The following REPS1 variants were observed in gnomAD, a reference collection of about 807,000 sequenced individuals.
REPS1 encodes ralBP1-associated Eps domain-containing protein 1.
Under a neutral mutation model 100.9 loss-of-function variants are expected in REPS1, and 39 were observed. The observed-to-expected ratio is 0.39, with a 90% CI of 0.30 to 0.50. The LOEUF (loss-of-function observed/expected upper bound fraction) is 0.50. Ranked by LOEUF, REPS1 falls within the 20% of genes least tolerant of loss-of-function variation. REPS1 has a pLI of 0.86. For missense variants in REPS1, 821 were observed against 968.5 expected (o/e 0.85, Z 2.02); for synonymous variants, 324 against 340.3 (o/e 0.95, Z 0.53).
intron 2 of REPS1, 123 bp from the exon 3 acceptor site, chr6:138,945,820 A>G (rs1481623740): frequency 1.4e-5 from 11 of 761,438 alleles, no homozygotes; most frequent in Non-Finnish European, 2.0e-5. Flanking sequence ...AAGAGGCACA[A>G]AATGTCTATC....
chr6:138,909,160 A>C (rs1285085348), intron 17 of REPS1, among the ~76,000 whole-genome samples: 1 of 152,260 alleles, frequency 6.6e-6, no homozygotes, highest in East Asian at 1.9e-4. Flanking sequence ...ATATCTATGC[A>C]TTATCACCAT....
chr6:138,938,319 T>G (rs1026159432), intron 8 of REPS1, among the ~76,000 whole-genome samples: 2 of 152,224 alleles, frequency 1.3e-5, no homozygotes, highest in African/African-American at 4.8e-5. Context: ...GCCTAGCATG[T>G]TACTCCAAGG....
chr6:138,952,809 TACAG>T (rs1783121827), intron 1 of REPS1, among the ~76,000 whole-genome samples: 1 of 151,326 alleles, frequency 6.6e-6, no homozygotes, highest in African/African-American at 2.4e-5. Flanking sequence ...AATATGGAGA[TACAG>T]ACAGATAGTT....
intron 18 of REPS1, 42 bp from the exon 19 acceptor site, chr6:138,907,642 T>A: frequency 1.6e-6 from 2 of 1,224,078 alleles, no homozygotes; most frequent in Non-Finnish European, 2.4e-6. Context: ...AACCTTCATT[T>A]CTTATCTTAA....
At position 138,961,655 on chromosome 6, in the gene REPS1, G is replaced by A. The variant is rs145182208; in HGVS notation, c.154-13742C>T. ...TTACACCAACAATGCAAGTGTCAGC[G>A]CAGTAAAAAAGGTAATTAATAATAG... On this transcript the variant is annotated intron_variant, in intron 1 of 19. Coordinates refer to ENST00000450536, the MANE Select transcript of REPS1 (RefSeq NM_001286611.2). 2.2e-4 allele frequency among the ~76,000 whole-genome samples: 34 copies of A among 152,266 alleles called. No individual in the cohort carries two copies. In the East Asian group the frequency reaches 5.8e-3, roughly 26 times the overall value.
At chr6:138,949,847 TG>T (rs1312337605) in intron 1 of REPS1, among the ~76,000 whole-genome samples, 2 of 152,220 alleles carry the variant, frequency 1.3e-5, no homozygotes, top group African/African-American at 4.8e-5. Flanking sequence ...AGAGTGTAGC[TG>T]TAAGTGTGTG....
chr6:138,927,450 A>C (rs1209056082), intron 9 of REPS1: 1 of 151,674 alleles, frequency 6.6e-6, no homozygotes, highest in South Asian at 2.1e-4. Context: ...AAGAATTATC[A>C]GTTATCCTCT....
At chr6:138,954,529 A>G (rs547479712) in intron 1 of REPS1, among the ~76,000 whole-genome samples, 1 of 150,920 alleles carries the variant, frequency 6.6e-6, no homozygotes, top group East Asian at 1.9e-4. Flanking sequence ...AGAATCCCCC[A>G]AAAAATTTCA....
At position 138,988,250 on chromosome 6, in the gene REPS1, T is replaced by G; in HGVS notation, c.-568A>C. On this transcript the variant is annotated 5_prime_UTR_variant, in exon 1 of 20. Coordinates refer to ENST00000450536, the MANE Select transcript of REPS1 (RefSeq NM_001286611.2). Reference sequence around the variant, plus strand: ...GGCCCCGACGCGCCCGCACCAACAGTGACAGCGGCGGCCGCGCTCCAGACC... The same window carrying G: ...GGCCCCGACGCGCCCGCACCAACAGGGACAGCGGCGGCCGCGCTCCAGACC... The G allele has an allele frequency of 5.0e-6, 2 of 397,886 alleles. No homozygotes were observed. Among genetic ancestry groups the G allele is most frequent in the East Asian group, 3.6e-5 (1 of 28,030 alleles). 24.6% of individuals were successfully genotyped at this position (397,886 alleles called of 1,614,324 possible). A position where few individuals can be genotyped will look rare whatever the true frequency, so the allele number is the denominator to read the frequency against.
chr6:138,975,075 C>A (rs1383458176), intron 1 of REPS1, among the ~76,000 whole-genome samples: 3 of 152,154 alleles, frequency 2.0e-5, no homozygotes, highest in Non-Finnish European at 4.4e-5. Context: ...TCTGCACACG[C>A]TTCTAAAGCC....
intron 9 of REPS1, 143 bp downstream of exon 9, chr6:138,929,831 AATT>A (rs1781375505): frequency 1.3e-6 from 1 of 745,162 alleles, no homozygotes; most frequent in African/African-American, 1.8e-5. Context: ...AAAGTCACAT[AATT>A]ACAAACATTT....
chr6:138,920,395 T>TG, intron 11 of REPS1, 79 bp from the exon 12 acceptor site: 1 of 598,272 alleles, frequency 1.7e-6, no homozygotes, highest in South Asian at 3.0e-5. Flanking sequence ...AGTGTAAGAC[T>TG]TCATTTAAAT....
chr6:138,917,587 T>G lies in REPS1; in HGVS notation c.1569A>C (p.Pro523=). ...GAGTTACATTGCTCCCGATCTGTTCTGGGTCAGAAGTAAAAGAGTCTGAAC... is the reference window on the plus strand; with the variant it reads ...GAGTTACATTGCTCCCGATCTGTTCGGGGTCAGAAGTAAAAGAGTCTGAAC... ...YSSSDSFTSD[P]EQIGSNVTRQ... The change falls in exon 13 of 20, where the codon CCA becomes CCC. Residue 523 remains proline (P), a synonymous_variant. Coordinates refer to ENST00000450536, the MANE Select transcript of REPS1 (RefSeq NM_001286611.2). 6.2e-7 allele frequency: 1 copy of G among 1,613,764 alleles called. No individual in the cohort carries two copies. Among genetic ancestry groups the G allele is most frequent in the Non-Finnish European group, 8.5e-7 (1 of 1,179,788 alleles).
At chr6:138,905,183 G>A (rs1435353819) in intron 19 of REPS1, 51 bp from the exon 20 acceptor site, 1 of 1,158,336 alleles carries the variant, frequency 8.6e-7, no homozygotes, top group Non-Finnish European at 1.3e-6. Context: ...TAAAAATGAA[G>A]AAATATCTAA....
chr6:138,933,711 T>C (rs1781621372), intron 8 of REPS1, among the ~76,000 whole-genome samples: 1 of 152,226 alleles, frequency 6.6e-6, no homozygotes, highest in Admixed American at 6.5e-5. Context: ...TTTTGGAGAA[T>C]ATGGTTATTT....
chr6:138,938,253 A>G (rs1300017443), intron 8 of REPS1, among the ~76,000 whole-genome samples: 2 of 152,182 alleles, frequency 1.3e-5, no homozygotes, highest in Non-Finnish European at 2.9e-5. Context: ...TACCTGTTCA[A>G]GCAATTTTGG....
chr6:138,916,137 T>A, intron 13 of REPS1, 161 bp from the exon 14 acceptor site: 1 of 660,102 alleles, frequency 1.5e-6, no homozygotes. Flanking sequence ...TAGCACTGTT[T>A]ATGATGTACC....
chr6:138,944,462 A>C (rs1162422555), intron 5 of REPS1, 36 bp downstream of exon 5: 1 of 1,601,568 alleles, frequency 6.2e-7, no homozygotes, highest in Non-Finnish European at 8.5e-7. Context: ...CTCTGAATGA[A>C]GCAAATAAAA....
intron 9 of REPS1, chr6:138,929,677 C>A (rs2128456882): frequency 4.5e-6 from 1 of 223,992 alleles, no homozygotes; most frequent in East Asian, 9.4e-5. Context: ...TAGCTCTCGT[C>A]CCTCACTGGA....
Sources: gnomAD v4.1 joint callset for allele counts (sites outside exome capture counted in the v4.1 genomes callset) on GRCh38, gnomAD v4.1.1 for gene constraint, MANE v1.5 for transcripts, NCBI Gene and HGNC (gene_info 2026-07-23, HGNC 2026-07-21) for gene names.